The following ECPAS variants were observed in gnomAD, a reference collection of about 807,000 sequenced individuals.
ECPAS encodes the protein proteasome adapter and scaffold protein ECM29.
In ECPAS, 70 loss-of-function variants were observed where a neutral mutation model predicts 255.1. The observed-to-expected ratio is 0.27, with a 90% confidence interval of 0.23 to 0.33. The LOEUF is 0.33. ECPAS is among the 10% of genes least tolerant of loss of function. ECPAS has a pLI of 1.00. For synonymous variants in ECPAS, 784 were observed against 775.0 expected (o/e 1.01, Z -0.19); for missense variants, 1,817 against 2,206.4 (o/e 0.82, Z 3.54).
chr9:111,440,509 A>C lies in ECPAS; in HGVS notation c.402T>G (p.Leu134=). The C allele has an allele frequency of 6.3e-7, 1 of 1,598,998 alleles. No homozygotes were observed. ...PQPQQDSLMH[L]LIPTLFHMKY... ...TCATGTGAAAAAGGGTTGGTATTAA[A>C]AGATGCATTAAGCTGAAAAAACAAT... The change falls in exon 6 of 50, where the codon CTT becomes CTG. Residue 134 remains leucine (L), a synonymous_variant. Transcript: ENST00000684092.
chr9:111,416,529 A>G (rs2098203795), intron 17 of ECPAS, among the ~76,000 whole-genome samples, 177 bp from the exon 18 acceptor site: 1 of 152,218 alleles, frequency 6.6e-6, no homozygotes, highest in Non-Finnish European at 1.5e-5. Context: ...CTCACACACT[A>G]AAAGACAAGT....
At chr9:111,411,316 A>G (rs1185362398) in intron 21 of ECPAS, among the ~76,000 whole-genome samples, 174 bp from the exon 22 acceptor site, 1 of 152,214 alleles carries the variant, frequency 6.6e-6, no homozygotes, top group Admixed American at 6.5e-5. Flanking sequence ...AGGGAACAAG[A>G]GAAACCTTGA....
At chr9:111,417,617 GGC>G (rs1475123613) in intron 17 of ECPAS, among the ~76,000 whole-genome samples, 1 of 152,058 alleles carries the variant, frequency 6.6e-6, no homozygotes, top group Non-Finnish European at 1.5e-5. Flanking sequence ...CTTGGTGGCA[GGC>G]GCCTATAATC....
At chr9:111,400,138 C>T (rs1348986025) in intron 24 of ECPAS, among the ~76,000 whole-genome samples, 1 of 152,202 alleles carries the variant, frequency 6.6e-6, no homozygotes, top group Non-Finnish European at 1.5e-5. Flanking sequence ...CCTTATCTTC[C>T]CCAAGTCCAT....
At position 111,412,138 on chromosome 9, in the gene ECPAS, T is replaced by C; in HGVS notation, c.2090A>G (p.Asn697Ser). 6.3e-7 allele frequency: 1 copy of C among 1,582,612 alleles called. No homozygotes were observed. Among genetic ancestry groups the C allele is most frequent in the Non-Finnish European group, 8.5e-7 (1 of 1,170,936 alleles). ...DKTEWIKSLM[N>S]NSKEEMRELA... ...TTCGCGCATTTCTTCTTTACTGTTATTCATCAGACTCTGAGCAGTATAAAA... is the reference window on the plus strand; with the variant it reads ...TTCGCGCATTTCTTCTTTACTGTTACTCATCAGACTCTGAGCAGTATAAAA... Residue 697 changes from asparagine to serine, a missense_variant, in exon 21 of 50, where the codon AAT becomes AGT. Physicochemically the swap from Asn to Ser is conservative, Grantham distance 46. This residue lies in a region of ECPAS where 573 missense variants were observed against 716.2 expected (regional missense o/e 0.80). Transcript: ENST00000684092.
chr9:111,386,843 A>G (rs1367725341), intron 31 of ECPAS, among the ~76,000 whole-genome samples: 1 of 152,084 alleles, frequency 6.6e-6, no homozygotes, highest in Non-Finnish European at 1.5e-5. Flanking sequence ...TGCTTGGCTA[A>G]CTCCTACTTG....
At chr9:111,405,046 G>C (rs1315493377) in intron 24 of ECPAS, among the ~76,000 whole-genome samples, 2 of 149,470 alleles carry the variant, frequency 1.3e-5, no homozygotes, top group Non-Finnish European at 2.9e-5. Flanking sequence ...CATCAAAGCA[G>C]AACTAGAAAA....
chr9:111,362,502 A>G (rs557271994), intron 49 of ECPAS, among the ~76,000 whole-genome samples: 20 of 152,220 alleles, frequency 1.3e-4, no homozygotes, highest in African/African-American at 4.8e-4. Flanking sequence ...TGCAGCAAAA[A>G]AGTCATTTCA....
intron 5 of ECPAS, among the ~76,000 whole-genome samples, chr9:111,440,821 T>C (rs973180965): frequency 1.3e-5 from 2 of 152,216 alleles, no homozygotes; most frequent in African/African-American, 4.8e-5. Context: ...CCACAAGAGA[T>C]TTTATATGAA....
At chr9:111,411,874 T>A in intron 21 of ECPAS, 140 bp downstream of exon 21, 1 of 682,718 alleles carries the variant, frequency 1.5e-6, no homozygotes, top group Non-Finnish European at 2.3e-6. Flanking sequence ...GTATCACCTA[T>A]CTCATTTACT....
intron 7 of ECPAS, among the ~76,000 whole-genome samples, chr9:111,436,388 G>A (rs2098238233): frequency 6.6e-6 from 1 of 152,206 alleles, no homozygotes; most frequent in African/African-American, 2.4e-5. Context: ...AAGCTGCTCA[G>A]AGAACATCTG....
At chr9:111,408,305 G>C (rs2098188353) in intron 24 of ECPAS, among the ~76,000 whole-genome samples, 1 of 152,074 alleles carries the variant, frequency 6.6e-6, no homozygotes, top group Non-Finnish European at 1.5e-5. Flanking sequence ...CTGGCTGACG[G>C]GCTATGTGGA....
At chr9:111,479,963 A>G (rs1269107269) in intron 1 of ECPAS, among the ~76,000 whole-genome samples, 1 of 150,342 alleles carries the variant, frequency 6.7e-6, no homozygotes, top group Non-Finnish European at 1.5e-5. Context: ...CCTGGGTGAC[A>G]GACTGAAACT....
chr9:111,427,558 G>A (rs1284493601), intron 10 of ECPAS, among the ~76,000 whole-genome samples: 5 of 152,180 alleles, frequency 3.3e-5, no homozygotes, highest in Non-Finnish European at 7.3e-5. Flanking sequence ...TGAGATTTCA[G>A]ATTTTTTCAG....
intron 1 of ECPAS, among the ~76,000 whole-genome samples, chr9:111,481,453 C>A (rs1049449326): frequency 1.3e-5 from 2 of 151,788 alleles, no homozygotes; most frequent in African/African-American, 4.8e-5. Context: ...TTACAGTGAG[C>A]GGAGATCGCG....
Position 111,451,514 on chromosome 9 carries a change from T to C in ECPAS, c.64A>G (p.Thr22Ala). 3 of 1,576,906 alleles carry C rather than the reference T, an allele frequency of 1.9e-6. No homozygotes were observed. Among genetic ancestry groups the C allele is most frequent in the Non-Finnish European group, 2.6e-6 (3 of 1,160,838 alleles). Residue 22 changes from threonine (T) to alanine (A), a missense_variant, in exon 3 of 50, where the codon ACA (threonine) becomes GCA (alanine). By Grantham distance (58) the Thr-to-Ala change is moderately conservative (BLOSUM62 0). Around this residue, in one of 4 missense-constraint regions of ECPAS, gnomAD observed 90 missense variants for 158.5 expected, o/e 0.57. Transcript: ENST00000684092. ...ATAATATTCTGTAATTGTTCATCTG[T>C]TTCAGCATGGCCAAGTCGTAAAAAG... ...RVFLRLGHAE[T>A]DEQLQNIISK...
At chr9:111,398,030 G>C (rs1017879791) in intron 24 of ECPAS, among the ~76,000 whole-genome samples, 1 of 152,164 alleles carries the variant, frequency 6.6e-6, no homozygotes, top group Non-Finnish European at 1.5e-5. Context: ...ACTTTTTACT[G>C]TGAACCGGAA....
intron 46 of ECPAS, among the ~76,000 whole-genome samples, chr9:111,368,121 T>C (rs894027362): frequency 1.3e-5 from 2 of 151,642 alleles, no homozygotes; most frequent in Non-Finnish European, 2.9e-5. Flanking sequence ...GCTTAAAGGG[T>C]AGCATCATCA....
At chr9:111,465,557 C>T (rs1271341178) in intron 2 of ECPAS, among the ~76,000 whole-genome samples, 1 of 151,768 alleles carries the variant, frequency 6.6e-6, no homozygotes, top group African/African-American at 2.4e-5. Flanking sequence ...CATTACTCTC[C>T]ATACTTTCCT....
Sources: allele counts gnomAD v4.1 joint callset (sites outside exome capture counted in the v4.1 genomes callset), GRCh38; gene constraint gnomAD v4.1.1; regional missense constraint gnomAD v4.1.1; transcripts MANE v1.5; gene names NCBI Gene and HGNC (gene_info 2026-07-23, HGNC 2026-07-21).